Variants in ADGRE1 observed in about 807,000 individuals in gnomAD.
The protein encoded by ADGRE1 is EGF-like module receptor 1.
Under a neutral mutation model 102.7 loss-of-function variants are expected in ADGRE1, and 82 were observed. That is an observed-to-expected ratio of 0.80 (90% CI 0.67 to 0.96). The LOEUF (loss-of-function observed/expected upper bound fraction) is 0.96. Ranked by LOEUF, ADGRE1 falls within the 40% of genes least tolerant of loss-of-function variation. The pLI, the probability that ADGRE1 is intolerant of heterozygous loss-of-function variation, is 0.00. For missense variants in ADGRE1, 1,032 were observed against 1,085.3 expected (o/e 0.95, Z 0.69); for synonymous variants, 398 against 399.6 (o/e 1.00, Z 0.05).
chr19:6,904,122 A>G lies in ADGRE1; in HGVS notation c.889A>G (p.Ile297Val), dbSNP rs1973866685. The G allele has an allele frequency of 1.2e-6, 2 of 1,614,056 alleles. No homozygotes were observed. The highest frequency in any genetic ancestry group is 1.1e-5 in the South Asian group (1 of 91,090). The change falls in exon 8 of 21, where the codon ATT becomes GTT. Residue 297 changes from isoleucine to valine, a missense_variant. Physicochemically the swap from Ile to Val is conservative, Grantham distance 29. Transcript: ENST00000312053. ...CCTGGGCTCCTACAGCTGTGGCTGCATTGCAGGCTTTCATCCCAATCCAGA... is the reference window on the plus strand; with the variant it reads ...CCTGGGCTCCTACAGCTGTGGCTGCGTTGCAGGCTTTCATCCCAATCCAGA... ...NALGSYSCGC[I>V]AGFHPNPEGS...
At chr19:6,901,643 C>T (rs1247726806) in intron 5 of ADGRE1, among the ~76,000 whole-genome samples, 2 of 152,122 alleles carry the variant, frequency 1.3e-5, no homozygotes, top group Non-Finnish European at 2.9e-5. Context: ...TATTTGCCAC[C>T]CTTCTGCTTA....
rs1280421305 is a variant in ADGRE1, at chr19:6,926,426, A to T, written c.2047A>T (p.Met683Leu). The change falls in exon 16 of 21, where the codon ATG (methionine) becomes TTG (leucine). Residue 683 changes from methionine (M) to leucine (L), a missense_variant. Met to Leu is a conservative substitution (Grantham distance 15). Coordinates refer to ENST00000312053, the MANE Select transcript of ADGRE1 (RefSeq NM_001974.5). ...CCTTTTCCTTGCCTGCTTCTTCTGG[A>T]TGCTGGTGGAGGCTGTGATACTGTT... ...HYLFLACFFW[M>L]LVEAVILFLM... is the part of the protein sequence containing the mutation. 1 of 1,613,962 alleles carries T rather than the reference A, an allele frequency of 6.2e-7. No homozygotes were observed. The highest frequency in any genetic ancestry group is 1.3e-5 in the African/African-American group (1 of 74,878).
At chr19:6,923,222 A>G (rs897679882) in intron 14 of ADGRE1, among the ~76,000 whole-genome samples, 1 of 152,204 alleles carries the variant, frequency 6.6e-6, no homozygotes, top group East Asian at 1.9e-4. Context: ...CTTAGTTTCA[A>G]GTCTTGTCTC....
rs1975617055 is a variant in ADGRE1, at chr19:6,940,262, T to C, written c.*233T>C. The C allele has an allele frequency of 1.7e-6, 1 of 590,356 alleles. No individual in the cohort carries two copies. Among genetic ancestry groups the C allele is most frequent in the South Asian group, 2.1e-5 (1 of 48,498 alleles). 36.6% of individuals were successfully genotyped at this position (590,356 alleles called of 1,614,324 possible). ...TTTTATCTTCGTGCTCTGCAACTTC[T>C]TCAATTCCAGAGTTTCTGAGAACAG... On this transcript the variant is annotated 3_prime_UTR_variant, in exon 21 of 21. Coordinates refer to ENST00000312053, the MANE Select transcript of ADGRE1 (RefSeq NM_001974.5).
chr19:6,894,216 G>A (rs768764361), intron 2 of ADGRE1, among the ~76,000 whole-genome samples: 125 of 152,242 alleles, frequency 8.2e-4, no homozygotes, highest in Admixed American at 1.6e-3. Flanking sequence ...GGTCCTCTTG[G>A]AAGGGTCTGT....
In ADGRE1 at chr19:6,903,824, A is replaced by T; in HGVS notation, c.676A>T (p.Thr226Ser). The T allele has an allele frequency of 1.2e-6, 2 of 1,614,116 alleles. No individual in the cohort carries two copies. The highest frequency in any genetic ancestry group is 1.7e-6 in the Non-Finnish European group (2 of 1,179,984). ...GTACCCCACAGATATTGATGAATGC[A>T]CTGAAATGTGCCCCATCAATTCAAC... ...KASCEDIDEC[T>S]EMCPINSTCT... Residue 226 changes from threonine to serine, a missense_variant, in exon 7 of 21, where the codon ACT becomes TCT. Thr to Ser is a moderately conservative substitution (Grantham distance 58). Coordinates refer to ENST00000312053, the MANE Select transcript of ADGRE1 (RefSeq NM_001974.5).
Position 6,896,546 on chromosome 19 carries a change from G to A in ADGRE1, c.238+5G>A. 2 of 1,613,508 alleles carry A rather than the reference G, an allele frequency of 1.2e-6. No homozygotes were observed. Among genetic ancestry groups the A allele is most frequent in the South Asian group, 2.2e-5 (2 of 91,028 alleles). On this transcript the variant is annotated splice_donor_5th_base_variant and intron_variant, in intron 3 of 20. Transcript: ENST00000312053. Reference sequence around the variant, plus strand: ...ATCCAGGAGTGCGATGCAAAGGTGAGTTCATGTCCCCTCAAACCATCCAGC... The same window carrying A: ...ATCCAGGAGTGCGATGCAAAGGTGAATTCATGTCCCCTCAAACCATCCAGC...
chr19:6,896,460 A>G lies in ADGRE1; in HGVS notation c.157A>G (p.Ser53Gly), dbSNP rs201462666. ...AYATCTNTVDSYYCACKQGFL... is the reference protein window; with the variant it reads ...AYATCTNTVDGYYCACKQGFL... The stretch of plus-strand genomic sequence containing the variant: ...TGCCACCTGCACCAATACAGTGGAC[A>G]GTTACTATTGCGCTTGCAAACAAGG... Residue 53 changes from serine to glycine, a missense_variant, in exon 3 of 21, where the codon AGT becomes GGT. Physicochemically the swap from Ser to Gly is moderately conservative, Grantham distance 56 (BLOSUM62 0). Transcript: ENST00000312053. 5.6e-6 allele frequency: 9 copies of G among 1,614,046 alleles called. No homozygotes were observed. The highest frequency in any genetic ancestry group is 1.7e-5 in the Admixed American group (1 of 60,006).
At chr19:6,903,673 C>G in intron 6 of ADGRE1, 137 bp from the exon 7 acceptor site, 1 of 1,118,314 alleles carries the variant, frequency 8.9e-7, no homozygotes, top group South Asian at 1.5e-5. Context: ...CACCTAGATG[C>G]AGAGGGTTCT....
At chr19:6,928,045 C>A in intron 16 of ADGRE1, 100 bp from the exon 17 acceptor site, 2 of 1,411,486 alleles carry the variant, frequency 1.4e-6, no homozygotes, top group Non-Finnish European at 1.9e-6. Context: ...TGAGTCTCAC[C>A]TCCCAGTGTT....
intron 13 of ADGRE1, 86 bp from the exon 14 acceptor site, chr19:6,921,627 A>G: frequency 7.2e-7 from 1 of 1,397,528 alleles, no homozygotes. Flanking sequence ...TCTTGTTCCC[A>G]GTGACTCTTG....
Position 6,924,713 on chromosome 19 carries a change from C to T in ADGRE1, c.1827C>T (p.Gly609=). 1 of 1,614,176 alleles carries T rather than the reference C, an allele frequency of 6.2e-7. No individual in the cohort carries two copies. Among genetic ancestry groups the T allele is most frequent in the East Asian group, 2.2e-5 (1 of 44,874 alleles). ...DFSLYIISHV[G]IIISLVCLVL... ...CCTTGTACATCATTAGCCATGTAGG[C>T]ATTATCATCTCCTTGGTGTGCCTCG... is the stretch of plus-strand genomic sequence containing the variant. Residue 609 remains glycine (G), a synonymous_variant, in exon 15 of 21, where the codon GGC becomes GGT. Transcript: ENST00000312053.
chr19:6,897,236 T>C lies in ADGRE1; in HGVS notation c.326T>C (p.Leu109Ser). ...TCAGGGAGGTACAAGTGCAGCTGTT[T>C]AGATGGTTTCTCTTCTCCCACTGGA... ...NLSGRYKCSC[L>S]DGFSSPTGND... The change falls in exon 4 of 21, where the codon TTA (leucine) becomes TCA (serine). Residue 109 changes from leucine (L) to serine (S), a missense_variant. Coordinates refer to ENST00000312053, the MANE Select transcript of ADGRE1 (RefSeq NM_001974.5). The C allele has an allele frequency of 1.2e-6, 2 of 1,613,910 alleles. No individual in the cohort carries two copies. Among genetic ancestry groups the C allele is most frequent in the South Asian group, 1.1e-5 (1 of 91,064 alleles).
chr19:6,894,292 C>G (rs1226312637), intron 2 of ADGRE1, among the ~76,000 whole-genome samples: 1 of 152,128 alleles, frequency 6.6e-6, no homozygotes, highest in Non-Finnish European at 1.5e-5. Flanking sequence ...GGAGCCTGCT[C>G]CCACCTGTGG....
At chr19:6,924,380 G>T (rs1467024858) in intron 14 of ADGRE1, among the ~76,000 whole-genome samples, 1 of 152,150 alleles carries the variant, frequency 6.6e-6, no homozygotes, top group East Asian at 1.9e-4. Context: ...TCTCACTGGA[G>T]AACTTAAATT....
At chr19:6,890,406 G>A in intron 1 of ADGRE1, 75 bp from the exon 2 acceptor site, 1 of 1,414,492 alleles carries the variant, frequency 7.1e-7, no homozygotes, top group East Asian at 2.5e-5. Flanking sequence ...TAATTTTGCA[G>A]GTTGAGCCCA....
At chr19:6,889,279 AATG>A (rs201022066) in intron 1 of ADGRE1, among the ~76,000 whole-genome samples, 280 of 148,824 alleles carry the variant, frequency 1.9e-3, no homozygotes, top group African/African-American at 6.6e-3. Context: ...TGGTGATAAT[AATG>A]ATGATGATGA....
chr19:6,898,208 C>T (rs330881), intron 5 of ADGRE1: 253,801 of 1,001,232 alleles, frequency 0.25, 34,904 homozygotes, highest in East Asian at 0.49. Flanking sequence ...CAAAGTGAAG[C>T]GCATATGGGA....
intron 17 of ADGRE1, among the ~76,000 whole-genome samples, chr19:6,930,154 T>C (rs1975079137): frequency 6.6e-6 from 1 of 152,178 alleles, no homozygotes; most frequent in Admixed American, 6.6e-5. Context: ...CCTCACTATC[T>C]GCCTAAATAA....
Sources: gnomAD v4.1 joint callset for allele counts (sites outside exome capture counted in the v4.1 genomes callset) on GRCh38, gnomAD v4.1.1 for gene constraint, MANE v1.5 for transcripts, NCBI Gene and HGNC (gene_info 2026-07-23, HGNC 2026-07-21) for gene names.